The following GUCY1A2 variants were observed in gnomAD, a reference collection of about 807,000 sequenced individuals.
GUCY1A2 encodes the protein guanylate cyclase 1 soluble subunit alpha 2.
GUCY1A2 carries 27 observed loss-of-function variants against 63.5 expected under a neutral mutation model. The observed-to-expected ratio is 0.43, with a 90% CI of 0.31 to 0.59. GUCY1A2 has a LOEUF of 0.59. Ranked by LOEUF, GUCY1A2 falls within the 20% of genes least tolerant of loss-of-function variation. The probability of loss-of-function intolerance (pLI) is 0.11; values close to 1 mark genes in which losing one functional copy is unlikely to be tolerated. For synonymous variants in GUCY1A2, 364 were observed against 343.5 expected (o/e 1.06, Z -0.66); for missense variants, 768 against 913.3 (o/e 0.84, Z 2.05).
At chr11:106,760,689 G>C (rs1040045836) in intron 6 of GUCY1A2, among the ~76,000 whole-genome samples, 2 of 152,130 alleles carry the variant, frequency 1.3e-5, no homozygotes, top group African/African-American at 4.8e-5. Flanking sequence ...TGTTCTGAGA[G>C]ATAATACAGA....
chr11:106,987,621 C>A (rs1184236508), intron 1 of GUCY1A2, among the ~76,000 whole-genome samples: 1 of 148,160 alleles, frequency 6.7e-6, no homozygotes, highest in Non-Finnish European at 1.5e-5. Flanking sequence ...CCACTGCACT[C>A]CATTCTGGGT....
At chr11:106,917,050 C>A (rs1448957247) in intron 4 of GUCY1A2, among the ~76,000 whole-genome samples, 1 of 145,422 alleles carries the variant, frequency 6.9e-6, no homozygotes, top group Non-Finnish European at 1.5e-5. Flanking sequence ...ATGTCACTAA[C>A]ATCTTAGTGA....
intron 1 of GUCY1A2, among the ~76,000 whole-genome samples, chr11:107,011,617 A>C (rs1861747292): frequency 6.8e-6 from 1 of 146,914 alleles, no homozygotes; most frequent in Non-Finnish European, 1.5e-5. Flanking sequence ...ATATATAAAA[A>C]GGAGTATATA....
At chr11:106,772,581 A>G (rs375591281) in intron 6 of GUCY1A2, among the ~76,000 whole-genome samples, 18 of 152,280 alleles carry the variant, frequency 1.2e-4, no homozygotes, top group African/African-American at 4.3e-4. Flanking sequence ...ATCTTTATGG[A>G]TATTTCCTCT....
intron 3 of GUCY1A2, among the ~76,000 whole-genome samples, chr11:106,954,546 CAACTCCTAAATATCCTTT>C (rs1484877605): frequency 7.9e-5 from 12 of 152,256 alleles, no homozygotes; most frequent in Admixed American, 2.6e-4. Context: ...GAGCTGAGTT[CAACTCCTAAATATCCTTT>C]TTAATTTTTT....
chr11:106,939,824 G>A lies in GUCY1A2; in HGVS notation c.842C>T (p.Ser281Leu). The change falls in exon 4 of 8, where the codon TCA becomes TTA. Residue 281 changes from serine (S) to leucine (L), a missense_variant. Around this residue, in one of 3 missense-constraint regions of GUCY1A2, gnomAD observed 496 missense variants for 486.9 expected, o/e 1.02. Coordinates refer to ENST00000526355, the MANE Select transcript of GUCY1A2 (RefSeq NM_000855.3). ...VANEKLCSDV[S>L]NPGNCSCLTF... ...AAGACAGCTACAATTGCCTGGGTTT[G>A]AAACATCAGAGCATAGCTTCTCATT... The A allele has an allele frequency of 6.2e-7, 1 of 1,613,672 alleles. No individual in the cohort carries two copies.
chr11:106,799,597 A>G (rs1051759883), intron 5 of GUCY1A2, among the ~76,000 whole-genome samples: 1 of 152,198 alleles, frequency 6.6e-6, no homozygotes, highest in Non-Finnish European at 1.5e-5. Context: ...CACATCTACA[A>G]CTATCTGATC....
intron 4 of GUCY1A2, among the ~76,000 whole-genome samples, chr11:106,836,282 C>G (rs533274127): frequency 3.9e-4 from 59 of 151,860 alleles, no homozygotes; most frequent in Non-Finnish European, 7.7e-4. Context: ...TTGATTAACA[C>G]ATATTTTGTA....
intron 4 of GUCY1A2, among the ~76,000 whole-genome samples, chr11:106,878,594 T>C (rs1218503002): frequency 2.0e-5 from 3 of 151,490 alleles, no homozygotes; most frequent in South Asian, 2.1e-4. Flanking sequence ...CATGGAAACA[T>C]AGATGGGAAC....
intron 4 of GUCY1A2, among the ~76,000 whole-genome samples, chr11:106,928,546 G>T (rs924750699): frequency 1.3e-5 from 2 of 150,848 alleles, no homozygotes; most frequent in African/African-American, 4.9e-5. Context: ...CAAGATTATT[G>T]TATGATTCAA....
intron 7 of GUCY1A2, among the ~76,000 whole-genome samples, chr11:106,701,797 G>A (rs1862821882): frequency 6.6e-6 from 1 of 152,112 alleles, no homozygotes; most frequent in Non-Finnish European, 1.5e-5. Context: ...CTCACACAAA[G>A]AAATGATAAA....
chr11:106,717,837 C>A (rs1386854146), intron 6 of GUCY1A2, among the ~76,000 whole-genome samples: 3 of 152,016 alleles, frequency 2.0e-5, no homozygotes, highest in East Asian at 1.9e-4. Context: ...AGTAAAATTT[C>A]TTTTTACATT....
intron 1 of GUCY1A2, among the ~76,000 whole-genome samples, chr11:106,987,545 G>C (rs983108513): frequency 1.3e-5 from 2 of 152,000 alleles, no homozygotes; most frequent in African/African-American, 4.8e-5. Flanking sequence ...CCAGCTGCCT[G>C]GGAGGCTGAG....
chr11:106,709,490 A>C (rs1465516161), intron 6 of GUCY1A2, among the ~76,000 whole-genome samples: 1 of 65,040 alleles, frequency 1.5e-5, no homozygotes, highest in Non-Finnish European at 2.5e-5. Context: ...ATATATTTAT[A>C]TATATATAAT....
intron 4 of GUCY1A2, among the ~76,000 whole-genome samples, chr11:106,923,699 A>G (rs950967409): frequency 3.9e-5 from 6 of 152,186 alleles, no homozygotes; most frequent in African/African-American, 1.4e-4. Context: ...TGAAAACTAT[A>G]TTGAAGAAAA....
At position 107,008,104 on chromosome 11, in the gene GUCY1A2, C is replaced by T. The variant is rs928171997; in HGVS notation, c.303+9649G>A. Among the ~76,000 whole-genome samples the T allele has an allele frequency of 8.7e-5, 13 of 149,238 alleles. 2 individuals are homozygous for T. Among genetic ancestry groups the T allele is most frequent in the East Asian group, 4.6e-4 (2 of 4,380 alleles). ...TCGACACCAGGCCCAGCCAATATGG[C>T]GAAACCCCTAATAAACATACAAAAA... On this transcript the variant is annotated intron_variant, in intron 1 of 7. Transcript: ENST00000526355.
intron 5 of GUCY1A2, among the ~76,000 whole-genome samples, chr11:106,793,180 C>A (rs375443085): frequency 4.6e-5 from 7 of 152,182 alleles, no homozygotes; most frequent in African/African-American, 1.4e-4. Context: ...GACACATACA[C>A]CAATGGGACA....
Position 106,687,412 on chromosome 11 carries a change from T to A in GUCY1A2, c.*137A>T. On this transcript the variant is annotated 3_prime_UTR_variant, in exon 8 of 8. Coordinates refer to ENST00000526355, the MANE Select transcript of GUCY1A2 (RefSeq NM_000855.3). ...CACCTCCACCTTTTAGTAGGATTAT[T>A]GCCTGACATAATACAGAAATTTTGC... 1 of 688,466 alleles carries A rather than the reference T, an allele frequency of 1.5e-6. No homozygotes were observed. 42.6% of individuals were successfully genotyped at this position (688,466 alleles called of 1,614,324 possible).
At chr11:106,750,721 C>T (rs556095914) in intron 6 of GUCY1A2, among the ~76,000 whole-genome samples, 1 of 148,388 alleles carries the variant, frequency 6.7e-6, no homozygotes, top group Non-Finnish European at 1.5e-5. Flanking sequence ...GTTGTTTTAG[C>T]ACCATAGTGG....
Sources: gnomAD v4.1 joint callset for allele counts (sites outside exome capture counted in the v4.1 genomes callset) on GRCh38, gnomAD v4.1.1 for gene constraint, gnomAD v4.1.1 regional missense constraint, MANE v1.5 for transcripts, NCBI Gene and HGNC (gene_info 2026-07-23, HGNC 2026-07-21) for gene names.